The following CTNND2 variants were observed in gnomAD, a reference collection of about 807,000 sequenced individuals.
The protein encoded by CTNND2 is catenin delta 2, also known as catenin delta-2.
A neutral mutation model predicts 144.4 loss-of-function variants in CTNND2; 22 were observed. That is an observed-to-expected ratio of 0.15 (90% CI 0.11 to 0.22). CTNND2 has a LOEUF of 0.22. Among genes scored for constraint, CTNND2 ranks in the 10% least tolerant of loss-of-function variants. The pLI is 1.00. For missense variants in CTNND2, 1,353 were observed against 1,618.8 expected (o/e 0.84, Z 2.82); for synonymous variants, 751 against 695.6 (o/e 1.08, Z -1.25).
intron 2 of CTNND2, among the ~76,000 whole-genome samples, chr5:11,639,078 C>T (rs1781859332): frequency 6.6e-6 from 1 of 151,684 alleles, no homozygotes; most frequent in South Asian, 2.1e-4. Context: ...GTGATTTTGC[C>T]CTCCAGGAGA....
chr5:11,515,660 AAT>A (rs1194059441), intron 3 of CTNND2, among the ~76,000 whole-genome samples: 1 of 152,188 alleles, frequency 6.6e-6, no homozygotes, highest in African/African-American at 2.4e-5. Flanking sequence ...GCTTTTTATG[AAT>A]CTCAACATAG....
chr5:11,327,056 C>A (rs998284990), intron 9 of CTNND2, among the ~76,000 whole-genome samples: 2 of 152,146 alleles, frequency 1.3e-5, no homozygotes, highest in African/African-American at 4.8e-5. Context: ...TGATGACAAC[C>A]ACACAGCATG....
At chr5:11,359,891 T>C (rs954320337) in intron 8 of CTNND2, among the ~76,000 whole-genome samples, 1 of 152,090 alleles carries the variant, frequency 6.6e-6, no homozygotes, top group Non-Finnish European at 1.5e-5. Flanking sequence ...CTATTGTCAA[T>C]AGTGAAATTT....
At chr5:11,301,341 T>G (rs1749585675) in intron 9 of CTNND2, among the ~76,000 whole-genome samples, 1 of 151,904 alleles carries the variant, frequency 6.6e-6, no homozygotes, top group South Asian at 2.1e-4. Flanking sequence ...TACTCTAGGG[T>G]CCAGCAGACA....
At chr5:11,799,313 A>T (rs1302230664) in intron 1 of CTNND2, among the ~76,000 whole-genome samples, 1 of 151,972 alleles carries the variant, frequency 6.6e-6, no homozygotes, top group Non-Finnish European at 1.5e-5. Context: ...GATGTTTTTA[A>T]TCCTGTATTG....
intron 11 of CTNND2, among the ~76,000 whole-genome samples, chr5:11,175,248 T>C (rs1042713005): frequency 6.6e-6 from 1 of 152,174 alleles, no homozygotes; most frequent in East Asian, 1.9e-4. Context: ...TTGGTATATA[T>C]TCTCAAGTTT....
At chr5:11,221,510 T>C (rs867599341) in intron 10 of CTNND2, among the ~76,000 whole-genome samples, 1 of 152,178 alleles carries the variant, frequency 6.6e-6, no homozygotes, top group African/African-American at 2.4e-5. Context: ...CTAAGATCAT[T>C]TGCATAGGGT....
At position 11,411,560 on chromosome 5, in the gene CTNND2, G is replaced by A; in HGVS notation, c.415C>T (p.Pro139Ser). The change falls in exon 5 of 22, where the codon CCA becomes TCA. Residue 139 changes from proline (P) to serine (S), a missense_variant. Physicochemically the swap from Pro to Ser is moderately conservative, Grantham distance 74. Coordinates refer to ENST00000304623, the MANE Select transcript of CTNND2 (RefSeq NM_001332.4). ...RSLQESGILD[P>S]QDYSTGERPS... ...CTTTCACCTGTAGAATAATCCTGTG[G>A]GTCAAGTATTCCTGATTCCTGTAGT... is the stretch of plus-strand genomic sequence containing the variant. 1 of 1,605,064 alleles carries A rather than the reference G, an allele frequency of 6.2e-7. No homozygotes were observed. The highest frequency in any genetic ancestry group is 1.1e-5 in the South Asian group (1 of 90,582).
At chr5:11,112,439 A>G (rs572036924) in intron 13 of CTNND2, among the ~76,000 whole-genome samples, 15 of 152,212 alleles carry the variant, frequency 9.9e-5, no homozygotes, top group African/African-American at 3.1e-4. Context: ...GAAGGGAACA[A>G]ATTCTCCCCA....
intron 2 of CTNND2, among the ~76,000 whole-genome samples, chr5:11,666,209 G>A (rs895068734): frequency 9.9e-5 from 15 of 152,144 alleles, no homozygotes; most frequent in Non-Finnish European, 7.4e-5. Context: ...AAAGCACCTG[G>A]AGAAAGAGGT....
chr5:11,133,892 C>T lies in CTNND2; in HGVS notation c.2160-16325G>A, dbSNP rs544079547. Among the ~76,000 whole-genome samples, 63 of 152,298 alleles carry T rather than the reference C, an allele frequency of 4.1e-4. 3 individuals are homozygous for T. In the South Asian group the frequency reaches 0.012, roughly 30 times the overall value. On this transcript the variant is annotated intron_variant, in intron 12 of 21. Transcript: ENST00000304623. ...CCATTATTGTCATGATTGCACTTTT[C>T]CCCTTCACTGTGGTAGGGAGAATTC... is the stretch of plus-strand genomic sequence containing the variant.
chr5:10,985,520 A>G (rs1289521933), intron 20 of CTNND2, among the ~76,000 whole-genome samples: 3 of 152,268 alleles, frequency 2.0e-5, no homozygotes, highest in Admixed American at 6.5e-5. Context: ...TGACAGCTCC[A>G]TCAAAGAGAT....
intron 2 of CTNND2, among the ~76,000 whole-genome samples, chr5:11,714,807 G>A (rs1183195527): frequency 1.3e-5 from 2 of 151,728 alleles, no homozygotes; most frequent in Non-Finnish European, 2.9e-5. Context: ...TACTCGGGAG[G>A]CTGAAGCAGG....
At chr5:11,418,988 G>A (rs913320251) in intron 3 of CTNND2, among the ~76,000 whole-genome samples, 1 of 149,638 alleles carries the variant, frequency 6.7e-6, no homozygotes, top group Non-Finnish European at 1.5e-5. Context: ...ACATATACAT[G>A]CATCTCTCTA....
rs34867068 is a variant in CTNND2, at chr5:11,590,047, AT to A, written c.175-24992del. Among the ~76,000 whole-genome samples the A allele has an allele frequency of 2.6e-3, 371 of 144,342 alleles. 1 individual carries two copies. Among genetic ancestry groups the A allele is most frequent in the African/African-American group, 6.8e-3 (267 of 39,102 alleles). 94.7% of individuals were successfully genotyped at this position (144,342 alleles called of 152,430 possible). A position where few individuals can be genotyped will look rare whatever the true frequency, so the allele number is the denominator to read the frequency against. The stretch of plus-strand genomic sequence containing the variant: ...ACTTCTTAAAAATAAGATTTTGTAA[AT>A]TTTTTTTTTTTTTTTGAGATGGAAT... On this transcript the variant is annotated intron_variant, in intron 2 of 21. Transcript: ENST00000304623.
At chr5:11,698,312 G>A (rs10042090) in intron 2 of CTNND2, among the ~76,000 whole-genome samples, 19,777 of 147,620 alleles carry the variant, frequency 0.13, 4,353 homozygotes, top group African/African-American at 0.46. Context: ...TTTTTGAGAC[G>A]GAGTCTCGCT....
At chr5:11,330,315 CAA>C (rs1257414767) in intron 9 of CTNND2, among the ~76,000 whole-genome samples, 108 of 82,310 alleles carry the variant, frequency 1.3e-3, no homozygotes, top group African/African-American at 2.9e-3. Flanking sequence ...ACTAAAAATA[CAA>C]AAAAAAAAAA....
At chr5:11,555,502 C>T (rs1482821114) in intron 3 of CTNND2, among the ~76,000 whole-genome samples, 1 of 152,112 alleles carries the variant, frequency 6.6e-6, no homozygotes. Flanking sequence ...GCTGTAAATG[C>T]TCCTGCTATT....
At chr5:11,454,173 G>A (rs1430510857) in intron 3 of CTNND2, among the ~76,000 whole-genome samples, 1 of 152,176 alleles carries the variant, frequency 6.6e-6, no homozygotes, top group Non-Finnish European at 1.5e-5. Context: ...TGTAGCCCCA[G>A]CACTTGGAGA....
Sources: allele counts gnomAD v4.1 joint callset (sites outside exome capture counted in the v4.1 genomes callset), GRCh38; gene constraint gnomAD v4.1.1; transcripts MANE v1.5; gene names NCBI Gene and HGNC (gene_info 2026-07-23, HGNC 2026-07-21).